The following AFF3 variants were observed in gnomAD, a reference collection of about 807,000 sequenced individuals.
AFF3 encodes the protein AF4/FMR2 family member 3.
In AFF3, 32 loss-of-function variants were observed where a neutral mutation model predicts 129.7. The observed-to-expected ratio is 0.25, with a 90% CI of 0.19 to 0.33. The LOEUF (loss-of-function observed/expected upper bound fraction) is 0.33. AFF3 is among the 10% of genes least tolerant of loss of function. The pLI is 1.00. For missense variants in AFF3, 1,373 were observed against 1,592.0 expected, an observed-to-expected ratio of 0.86 and a Z score of 2.34; for synonymous variants, 644 against 635.4, an observed-to-expected ratio of 1.01 and a Z score of -0.20.
intron 7 of AFF3, among the ~76,000 whole-genome samples, chr2:99,990,627 G>T (rs1416724075): frequency 2.0e-5 from 3 of 152,070 alleles, no homozygotes; most frequent in Non-Finnish European, 4.4e-5. Flanking sequence ...TCTTTAGGAG[G>T]ATTCACCAGA....
At chr2:99,705,886 A>AAC (rs1459482504) in intron 11 of AFF3, among the ~76,000 whole-genome samples, 1 of 151,190 alleles carries the variant, frequency 6.6e-6, no homozygotes, top group Non-Finnish European at 1.5e-5. Context: ...AAAAAAAAAA[A>AAC]AAAAAAAAAA....
intron 4 of AFF3, among the ~76,000 whole-genome samples, chr2:100,083,813 G>T (rs1385347793): frequency 2.6e-5 from 4 of 152,204 alleles, no homozygotes; most frequent in Admixed American, 6.5e-5. Flanking sequence ...GAAGAATGGA[G>T]GGGGTGGTGG....
At chr2:100,068,728 C>T (rs1002313499) in intron 4 of AFF3, among the ~76,000 whole-genome samples, 2 of 152,174 alleles carry the variant, frequency 1.3e-5, no homozygotes, top group East Asian at 1.9e-4. Context: ...CTGGGACTCC[C>T]GACGCCCACC....
chr2:99,972,228 T>C (rs558749397), intron 7 of AFF3, among the ~76,000 whole-genome samples: 1 of 152,240 alleles, frequency 6.6e-6, no homozygotes, highest in Non-Finnish European at 1.5e-5. Flanking sequence ...AGACACAGGC[T>C]GGCTTCACAG....
rs1679986199 is a variant in AFF3 at position 99,733,332 on chromosome 2, A to T, written c.1040-6204T>A. 6.0e-5 allele frequency among the ~76,000 whole-genome samples: 9 copies of T among 150,296 alleles called. No homozygotes were observed. The South Asian group carries it at 1.9e-3, about 32-fold the overall frequency. On this transcript the variant is annotated intron_variant, in intron 10 of 24. Transcript: ENST00000672756. ...GAGGTGGAGGTTGCAGTGAGCCAAG[A>T]TCGCGCCACTGCACTCCAGCCTGGG...
chr2:99,788,907 C>A (rs145263231), intron 8 of AFF3, among the ~76,000 whole-genome samples: 2 of 152,120 alleles, frequency 1.3e-5, no homozygotes. Context: ...CATTGTGGCA[C>A]GATTGCCTAT....
intron 10 of AFF3, among the ~76,000 whole-genome samples, chr2:99,736,202 G>A (rs1023200166): frequency 1.3e-4 from 20 of 152,064 alleles, no homozygotes; most frequent in Non-Finnish European, 2.9e-5. Context: ...CAACAGTTAC[G>A]AATTTCTGTT....
chr2:99,716,897 T>A (rs1157947817), intron 11 of AFF3, among the ~76,000 whole-genome samples: 57 of 148,830 alleles, frequency 3.8e-4, no homozygotes, highest in African/African-American at 1.3e-3. Flanking sequence ...AAAAAATATA[T>A]ATATATATAT....
In AFF3 at chr2:100,083,093, A is replaced by G. The variant is rs926998031; in HGVS notation, c.53+21309T>C. ...CAACAAGAGCAAAACTCCGTCTCAA[A>G]AAAAGGATAAAATAAAATAAAATGA... On this transcript the variant is annotated intron_variant, in intron 4 of 24. Coordinates refer to ENST00000672756, the MANE Select transcript of AFF3 (RefSeq NM_001386135.1). Among the ~76,000 whole-genome samples the G allele has an allele frequency of 2.0e-5, 3 of 152,350 alleles. No homozygotes were observed. The East Asian group carries it at 5.8e-4, about 29-fold the overall frequency.
intron 4 of AFF3, among the ~76,000 whole-genome samples, chr2:100,047,378 C>T (rs867135126): frequency 6.6e-6 from 1 of 152,188 alleles, no homozygotes; most frequent in Non-Finnish European, 1.5e-5. Context: ...AAGGTGAATG[C>T]AATTACTGAT....
intron 8 of AFF3, among the ~76,000 whole-genome samples, chr2:99,797,379 A>G (rs930701573): frequency 4.6e-5 from 7 of 152,162 alleles, no homozygotes; most frequent in Non-Finnish European, 8.8e-5. Flanking sequence ...ACATAACAAC[A>G]GAAACTACAC....
chr2:99,902,476 TGCAGGTGTCCCTCGTCAAG>T (rs1694417170), intron 7 of AFF3, among the ~76,000 whole-genome samples: 4 of 152,248 alleles, frequency 2.6e-5, no homozygotes, highest in Admixed American at 2.6e-4. Context: ...CTCAACTCAA[TGCAGGTGTCCCTCGTCAAG>T]GCAGGTGTAC....
rs751838704 is a variant in AFF3, at chr2:100,007,259, A to C, written c.376T>G (p.Cys126Gly). 1.9e-6 allele frequency: 3 copies of C among 1,614,144 alleles called. No homozygotes were observed. In the Admixed American group the frequency reaches 5.0e-5, roughly 27 times the overall value. Residue 126 changes from cysteine to glycine, a missense_variant, in exon 6 of 25, where the codon TGT becomes GGT. This residue lies in a region of AFF3 where 255 missense variants were observed against 256.0 expected (regional missense o/e 1.00). Transcript: ENST00000672756. ...GCTGGTGTGGAAGTTGTAGTGCTACAGATAGACGAGGGCTGGTTCTGGGCT... is the reference window on the plus strand; with the variant it reads ...GCTGGTGTGGAAGTTGTAGTGCTACCGATAGACGAGGGCTGGTTCTGGGCT... ...SRAQNQPSSICSTTTSTPAAV... is the reference protein window; with the variant it reads ...SRAQNQPSSIGSTTTSTPAAV...
chr2:99,682,481 T>C (rs1575682945), intron 11 of AFF3, among the ~76,000 whole-genome samples: 1 of 152,240 alleles, frequency 6.6e-6, no homozygotes, highest in Non-Finnish European at 1.5e-5. Flanking sequence ...TCTTCAGTAG[T>C]TGTTTTGAGA....
At chr2:99,851,996 T>C (rs1050451181) in intron 7 of AFF3, among the ~76,000 whole-genome samples, 4 of 152,160 alleles carry the variant, frequency 2.6e-5, no homozygotes, top group African/African-American at 4.8e-5. Flanking sequence ...AGGACAGCAA[T>C]GATCAAGGGT....
chr2:99,714,665 A>G (rs1678212348), intron 11 of AFF3, among the ~76,000 whole-genome samples: 1 of 152,210 alleles, frequency 6.6e-6, no homozygotes, highest in African/African-American at 2.4e-5. Flanking sequence ...TTTTGGTAAC[A>G]ATTCTCAAAT....
At chr2:99,970,727 G>A (rs546839243) in intron 7 of AFF3, among the ~76,000 whole-genome samples, 118 of 152,258 alleles carry the variant, frequency 7.7e-4, no homozygotes, top group Non-Finnish European at 1.1e-3. Flanking sequence ...AGTGACGCAG[G>A]GGCTTTGACG....
chr2:99,916,158 C>T (rs1157370353), intron 7 of AFF3, among the ~76,000 whole-genome samples: 1 of 152,104 alleles, frequency 6.6e-6, no homozygotes, highest in Non-Finnish European at 1.5e-5. Flanking sequence ...GTGGGGTGGC[C>T]CTACAGGAGA....
chr2:99,813,982 AAAG>A lies in AFF3; in HGVS notation c.921+23492_921+23494del, dbSNP rs147311514. On this transcript the variant is annotated intron_variant, in intron 8 of 24. Coordinates refer to ENST00000672756, the MANE Select transcript of AFF3 (RefSeq NM_001386135.1). Reference sequence around the variant, plus strand: ...AGCAAACAATAGATGCCAAATACTCAAAGAAGGGGTGTACCTAGGCACAGCCAA... The same window carrying A: ...AGCAAACAATAGATGCCAAATACTCAAAGGGGTGTACCTAGGCACAGCCAA... Among the ~76,000 whole-genome samples, 387 of 152,272 alleles carry A rather than the reference AAAG, an allele frequency of 2.5e-3. 6 individuals are homozygous for A. The highest frequency in any genetic ancestry group is 8.9e-3 in the African/African-American group (371 of 41,564).
Sources: gnomAD v4.1 joint callset for allele counts (sites outside exome capture counted in the v4.1 genomes callset) on GRCh38, gnomAD v4.1.1 for gene constraint, gnomAD v4.1.1 regional missense constraint, MANE v1.5 for transcripts, NCBI Gene and HGNC (gene_info 2026-07-23, HGNC 2026-07-21) for gene names.